ATP8A1: variants seen among roughly 807,000 people sequenced by gnomAD.
The protein encoded by ATP8A1 is phospholipid-transporting ATPase IA.
Under a neutral mutation model 177.7 loss-of-function variants are expected in ATP8A1, and 90 were observed. The ratio of observed to expected loss-of-function variants is 0.51; its 90% confidence interval spans 0.43 to 0.60. ATP8A1 has a LOEUF of 0.60. Among genes scored for constraint, ATP8A1 ranks in the 20% least tolerant of loss-of-function variants. ATP8A1 has a pLI of 0.00. For missense variants in ATP8A1, 1,072 were observed against 1,392.8 expected, an observed-to-expected ratio of 0.77 and a Z score of 3.67; for synonymous variants, 493 against 485.9, an observed-to-expected ratio of 1.01 and a Z score of -0.19.
rs573678497 is a variant in ATP8A1, at chr4:42,481,445, C to A, written c.2324+4051G>T. On this transcript the variant is annotated intron_variant, in intron 25 of 36. Transcript: ENST00000381668. ...TCTCTTCATTTTGTAGGTCACAAAA[C>A]CAAGGCCAGAGAGATTCCATCAGAT... Among the ~76,000 whole-genome samples the A allele has an allele frequency of 2.6e-5, 4 of 152,316 alleles. No homozygotes were observed. The East Asian group carries it at 5.8e-4, about 22-fold the overall frequency.
chr4:42,460,082 C>A (rs1360258174), intron 27 of ATP8A1, among the ~76,000 whole-genome samples: 2 of 152,262 alleles, frequency 1.3e-5, no homozygotes, highest in South Asian at 2.1e-4. Context: ...TGAGCCACTG[C>A]GCCTGGCCTG....
intron 7 of ATP8A1, among the ~76,000 whole-genome samples, chr4:42,590,570 C>T (rs887583607): frequency 6.6e-6 from 1 of 151,980 alleles, no homozygotes; most frequent in African/African-American, 2.4e-5. Context: ...ACTGTCATGC[C>T]TCTTAGACTC....
Position 42,569,190 on chromosome 4 carries a change from A to G in ATP8A1, c.1311T>C (p.Pro437=). 6.2e-7 allele frequency: 1 copy of G among 1,607,578 alleles called. No individual in the cohort carries two copies. The highest frequency in any genetic ancestry group is 8.5e-7 in the Non-Finnish European group (1 of 1,176,620). The change falls in exon 15 of 37, where the codon CCT becomes CCC. Residue 437 remains proline, a synonymous_variant. Transcript: ENST00000381668. ...AGVAYGHVPE[P]EDYGCSPDEW... is the part of the protein sequence containing the mutation. ...CATCAGGAGAGCAGCCATAATCCTC[A>G]GGTTCAGGGACATGGCTTCAGAAAG...
intron 32 of ATP8A1, 122 bp from the exon 33 acceptor site, chr4:42,443,794 G>A: frequency 3.4e-6 from 2 of 587,616 alleles, no homozygotes; most frequent in Non-Finnish European, 6.1e-6. Flanking sequence ...ATTATCTATA[G>A]GAGTTTCTAC....
intron 1 of ATP8A1, among the ~76,000 whole-genome samples, chr4:42,650,052 T>C (rs1005645240): frequency 2.0e-5 from 3 of 152,188 alleles, no homozygotes; most frequent in Non-Finnish European, 2.9e-5. Context: ...AATGAAACCA[T>C]GTGAATAGAG....
Position 42,595,195 on chromosome 4 carries a change from G to GA in ATP8A1, c.451-4312dup, listed in dbSNP as rs1381249100. Among the ~76,000 whole-genome samples, 4 of 151,552 alleles carry GA rather than the reference G, an allele frequency of 2.6e-5. No individual in the cohort carries two copies. In the South Asian group the frequency reaches 6.2e-4, roughly 24 times the overall value. ...CATGAATTTCAATACTTAATAGATG[G>GA]AAAAAAAAGACTTTCTAAATTAAAG... On this transcript the variant is annotated intron_variant, in intron 6 of 36. Coordinates refer to ENST00000381668, the MANE Select transcript of ATP8A1 (RefSeq NM_006095.2).
chr4:42,590,780 C>A (rs761353004), intron 7 of ATP8A1, 31 bp downstream of exon 7: 1 of 1,596,652 alleles, frequency 6.3e-7, no homozygotes, highest in South Asian at 1.1e-5. Flanking sequence ...GACCCACATA[C>A]ACGCATCCTA....
At chr4:42,607,978 A>G (rs76943784) in intron 5 of ATP8A1, among the ~76,000 whole-genome samples, 1,704 of 152,298 alleles carry the variant, frequency 0.011, 27 homozygotes, top group African/African-American at 0.038. Context: ...ACCAGTTCCA[A>G]CCAAACACAC....
intron 17 of ATP8A1, 57 bp downstream of exon 17, chr4:42,552,448 T>C: frequency 7.2e-7 from 1 of 1,394,698 alleles, no homozygotes; most frequent in Non-Finnish European, 9.9e-7. Flanking sequence ...TTAAATTGAC[T>C]TTTACATTCA....
At chr4:42,571,867 A>C (rs1693844085) in intron 14 of ATP8A1, among the ~76,000 whole-genome samples, 1 of 152,232 alleles carries the variant, frequency 6.6e-6, no homozygotes, top group African/African-American at 2.4e-5. Flanking sequence ...TTTGGGGCGA[A>C]GGTTCAGGGA....
In ATP8A1 at chr4:42,409,885, A is replaced by C. The variant is rs1035576826; in HGVS notation, c.*3031T>G. 6.6e-6 allele frequency: 1 copy of C among 152,180 alleles called. No individual in the cohort carries two copies. The highest frequency in any genetic ancestry group is 1.5e-5 in the Non-Finnish European group (1 of 68,008). The allele number at this position is 152,180 out of a possible 1,614,324, so 9.4% of individuals were successfully genotyped here. ...GATCAGAATGCTGACTGATTTCCAT[A>C]ATTCATTTCCCCTCTGGAAATTAAA... On this transcript the variant is annotated 3_prime_UTR_variant, in exon 37 of 37. Coordinates refer to ENST00000381668, the MANE Select transcript of ATP8A1 (RefSeq NM_006095.2).
In ATP8A1 at chr4:42,575,408, G is replaced by A. The variant is rs148774712; in HGVS notation, c.1206+214C>T. On this transcript the variant is annotated intron_variant, in intron 13 of 36. Coordinates refer to ENST00000381668, the MANE Select transcript of ATP8A1 (RefSeq NM_006095.2). ...CAAGGGACATCTCGAAGCTCTTGGA[G>A]TGCTTTACCTTGAGAGCAAAATCTC... 2.7e-3 allele frequency among the ~76,000 whole-genome samples: 413 copies of A among 152,296 alleles called. 3 individuals are homozygous for A. The highest frequency in any genetic ancestry group is 8.6e-3 in the African/African-American group (356 of 41,576).
At chr4:42,554,667 G>C (rs534256770) in intron 16 of ATP8A1, among the ~76,000 whole-genome samples, 9 of 152,210 alleles carry the variant, frequency 5.9e-5, no homozygotes, top group Non-Finnish European at 1.0e-4. Context: ...AAAAAGTTCC[G>C]GGGTTTAACT....
At chr4:42,638,363 G>A (rs540475699) in intron 1 of ATP8A1, among the ~76,000 whole-genome samples, 1 of 152,272 alleles carries the variant, frequency 6.6e-6, no homozygotes, top group East Asian at 1.9e-4. Flanking sequence ...GCTAAATTGC[G>A]ACAAGCCCCT....
intron 20 of ATP8A1, among the ~76,000 whole-genome samples, chr4:42,530,339 A>AT (rs890894458): frequency 8.5e-5 from 13 of 152,310 alleles, no homozygotes; most frequent in African/African-American, 3.1e-4. Context: ...CTGGTGGCAG[A>AT]TTTTTGCATC....
At chr4:42,619,381 T>G (rs930970793) in intron 4 of ATP8A1, among the ~76,000 whole-genome samples, 1 of 152,192 alleles carries the variant, frequency 6.6e-6, no homozygotes, top group African/African-American at 2.4e-5. Flanking sequence ...AAATTTGATC[T>G]TTATCACAGG....
At chr4:42,432,547 T>C (rs1243381706) in intron 33 of ATP8A1, among the ~76,000 whole-genome samples, 1 of 152,214 alleles carries the variant, frequency 6.6e-6, no homozygotes, top group Non-Finnish European at 1.5e-5. Context: ...GTTGTTGGAC[T>C]CTTTCTCAGA....
At chr4:42,556,666 G>T (rs1304612863) in intron 15 of ATP8A1, among the ~76,000 whole-genome samples, 2 of 151,954 alleles carry the variant, frequency 1.3e-5, no homozygotes, top group Non-Finnish European at 2.9e-5. Flanking sequence ...TACTTCATAC[G>T]ATATAAATGG....
intron 9 of ATP8A1, among the ~76,000 whole-genome samples, chr4:42,582,871 A>G (rs35648084): frequency 0.21 from 31,678 of 152,112 alleles, 3,370 homozygotes; most frequent in African/African-American, 0.22. Context: ...ATAAGAAGGA[A>G]CAAAGCCACC....
Sources: gnomAD v4.1 joint callset for allele counts (sites outside exome capture counted in the v4.1 genomes callset) on GRCh38, gnomAD v4.1.1 for gene constraint, MANE v1.5 for transcripts, NCBI Gene and HGNC (gene_info 2026-07-23, HGNC 2026-07-21) for gene names.